Variants in THSD7B observed in about 807,000 individuals in gnomAD.
THSD7B encodes thrombospondin type 1 domain containing 7B, also known as thrombospondin type-1 domain-containing protein 7B.
A neutral mutation model predicts 213.6 loss-of-function variants in THSD7B; 138 were observed. The ratio of observed to expected loss-of-function variants is 0.65; its 90% CI spans 0.56 to 0.74. THSD7B has a LOEUF of 0.74. Ranked by LOEUF, THSD7B falls within the 30% of genes least tolerant of loss-of-function variation. The pLI, the probability that THSD7B is intolerant of heterozygous loss-of-function variation, is 0.00. For missense variants in THSD7B, 1,931 were observed against 1,991.5 expected, an observed-to-expected ratio of 0.97 and a Z score of 0.58; for synonymous variants, 742 against 687.0, an observed-to-expected ratio of 1.08 and a Z score of -1.25.
At chr2:136,928,389 T>C (rs536781742) in intron 2 of THSD7B, among the ~76,000 whole-genome samples, 2 of 152,302 alleles carry the variant, frequency 1.3e-5, no homozygotes, top group South Asian at 2.1e-4. Flanking sequence ...AGTCAAACCA[T>C]TCTAAGTTGG....
chr2:137,412,290 A>C (rs1686675376), intron 14 of THSD7B, among the ~76,000 whole-genome samples: 1 of 152,094 alleles, frequency 6.6e-6, no homozygotes, highest in East Asian at 1.9e-4. Context: ...TCAATGAAAA[A>C]GTTGATTTTA....
chr2:137,264,490 C>T (rs552399979), intron 10 of THSD7B, among the ~76,000 whole-genome samples: 8 of 152,216 alleles, frequency 5.3e-5, no homozygotes, highest in South Asian at 2.1e-4. Flanking sequence ...CCTCGTGATC[C>T]GCCCACCTCA....
At chr2:137,089,888 T>G (rs1473918695) in intron 3 of THSD7B, among the ~76,000 whole-genome samples, 1 of 151,852 alleles carries the variant, frequency 6.6e-6, no homozygotes, top group Non-Finnish European at 1.5e-5. Flanking sequence ...GCACCTGTAG[T>G]CCCAGCTACT....
At chr2:137,253,290 G>A (rs1682229775) in intron 10 of THSD7B, among the ~76,000 whole-genome samples, 1 of 152,094 alleles carries the variant, frequency 6.6e-6, no homozygotes, top group Admixed American at 6.5e-5. Context: ...AATTTAAAAA[G>A]CAGAAAGATA....
intron 2 of THSD7B, among the ~76,000 whole-genome samples, chr2:136,957,638 T>C (rs566743148): frequency 6.6e-6 from 1 of 152,250 alleles, no homozygotes; most frequent in East Asian, 1.9e-4. Flanking sequence ...CATAATGCGA[T>C]AGAAACAATC....
chr2:136,782,906 AAAG>A (rs1681768520), intron 1 of THSD7B, among the ~76,000 whole-genome samples: 1 of 152,178 alleles, frequency 6.6e-6, no homozygotes, highest in Non-Finnish European at 1.5e-5. Context: ...TAATTAAAAA[AAAG>A]AAAAAACAAA....
intron 10 of THSD7B, among the ~76,000 whole-genome samples, chr2:137,260,355 C>T (rs1682412539): frequency 6.6e-6 from 1 of 151,980 alleles, no homozygotes; most frequent in African/African-American, 2.4e-5. Context: ...AAGTAATCTG[C>T]ATGTGTATGT....
chr2:137,355,064 T>C (rs1293389615), intron 12 of THSD7B, among the ~76,000 whole-genome samples: 1 of 152,206 alleles, frequency 6.6e-6, no homozygotes, highest in Non-Finnish European at 1.5e-5. Flanking sequence ...CTTTAATAGC[T>C]TTATTTGAAA....
At chr2:137,236,991 A>G (rs112706340) in intron 9 of THSD7B, among the ~76,000 whole-genome samples, 35,858 of 151,768 alleles carry the variant, frequency 0.24, 4,849 homozygotes, top group East Asian at 0.48. Flanking sequence ...GGCACCTGTA[A>G]TCCCAGCTAC....
intron 1 of THSD7B, among the ~76,000 whole-genome samples, chr2:136,834,691 A>T (rs1021157286): frequency 6.6e-6 from 1 of 152,132 alleles, no homozygotes; most frequent in Non-Finnish European, 1.5e-5. Flanking sequence ...TTTTAAAAGA[A>T]GATGATTTTA....
chr2:136,999,102 A>G (rs1208945590), intron 2 of THSD7B, among the ~76,000 whole-genome samples: 1 of 152,014 alleles, frequency 6.6e-6, no homozygotes, highest in Non-Finnish European at 1.5e-5. Flanking sequence ...TAAGGACTTC[A>G]TTGTATTTTG....
chr2:137,412,597 C>CAAAAAAAA lies in THSD7B; in HGVS notation c.2959+731_2959+738dup, dbSNP rs748551585. On this transcript the variant is annotated intron_variant, in intron 14 of 27. Transcript: ENST00000409968. ...GGGCAACGAGAGCAAAACTCTGTCT[C>CAAAAAAAA]AAAAAAAAAAAAACAAAAAAAAACA... is the stretch of plus-strand genomic sequence containing the variant. Among the ~76,000 whole-genome samples the CAAAAAAAA allele has an allele frequency of 4.7e-3, 113 of 24,028 alleles. 34 individuals are homozygous for CAAAAAAAA. The highest frequency in any genetic ancestry group is 7.2e-3 in the Non-Finnish European group (81 of 11,238). 15.8% of individuals were successfully genotyped at this position (24,028 alleles called of 152,430 possible). A position where few individuals can be genotyped will look rare whatever the true frequency, so the allele number is the denominator to read the frequency against.
intron 1 of THSD7B, among the ~76,000 whole-genome samples, chr2:136,775,394 T>C (rs1006622169): frequency 6.6e-6 from 1 of 152,130 alleles, no homozygotes; most frequent in Non-Finnish European, 1.5e-5. Context: ...GCTCACTCCA[T>C]TGGTGACTTG....
At position 137,057,034 on chromosome 2, in the gene THSD7B, A is replaced by C. The variant is rs1203008466; in HGVS notation, c.754A>C (p.Arg252=). Reference sequence around the variant, plus strand: ...TAAGGTTGGACCATGGAGTAAATGCAGACTGCCTCATCTTAAAGAAATTAA... The same window carrying C: ...TAAGGTTGGACCATGGAGTAAATGCCGACTGCCTCATCTTAAAGAAATTAA... The part of the protein sequence containing the change: ...SLKVGPWSKC[R]LPHLKEINPS... Residue 252 remains arginine, a synonymous_variant, in exon 3 of 28, where the codon AGA becomes CGA. Transcript: ENST00000409968. 3.7e-6 allele frequency: 6 copies of C among 1,613,860 alleles called. No individual in the cohort carries two copies. The highest frequency in any genetic ancestry group is 5.1e-6 in the Non-Finnish European group (6 of 1,179,900).
intron 15 of THSD7B, among the ~76,000 whole-genome samples, chr2:137,517,591 C>G (rs1171257464): frequency 6.6e-6 from 1 of 152,152 alleles, no homozygotes; most frequent in Non-Finnish European, 1.5e-5. Flanking sequence ...ATGTGTTACT[C>G]CAGTCCATTT....
At chr2:137,380,257 G>GA (rs35787240) in intron 12 of THSD7B, among the ~76,000 whole-genome samples, 74,064 of 145,614 alleles carry the variant, frequency 0.51, 19,770 homozygotes, top group East Asian at 0.99. Context: ...ACAAAAAATA[G>GA]AAAAAAAAAA....
chr2:137,365,131 G>C (rs1648036223), intron 12 of THSD7B, among the ~76,000 whole-genome samples: 1 of 152,122 alleles, frequency 6.6e-6, no homozygotes, highest in African/African-American at 2.4e-5. Flanking sequence ...ACAAAAACAA[G>C]AAATGAGGAA....
At chr2:137,102,509 C>T (rs1328165206) in intron 4 of THSD7B, among the ~76,000 whole-genome samples, 1 of 152,150 alleles carries the variant, frequency 6.6e-6, no homozygotes, top group African/African-American at 2.4e-5. Context: ...TCCTCGCCAG[C>T]AGGGGAACAA....
At chr2:137,509,322 CTCTTTCTT>C (rs373511175) in intron 15 of THSD7B, among the ~76,000 whole-genome samples, 1 of 137,546 alleles carries the variant, frequency 7.3e-6, no homozygotes, top group Non-Finnish European at 1.6e-5. Flanking sequence ...TCTTTCTTTT[CTCTTTCTT>C]TCTTTCTTTT....
Sources: gnomAD v4.1 joint callset for allele counts (sites outside exome capture counted in the v4.1 genomes callset) on GRCh38, gnomAD v4.1.1 for gene constraint, MANE v1.5 for transcripts, NCBI Gene and HGNC (gene_info 2026-07-23, HGNC 2026-07-21) for gene names.